MCU: variants seen among roughly 807,000 people sequenced by gnomAD.
The protein encoded by MCU is mitochondrial calcium uniporter, also known as calcium uniporter protein, mitochondrial.
Under a neutral mutation model 45.2 loss-of-function variants are expected in MCU, and 12 were observed. The observed-to-expected ratio is 0.27, with a 90% confidence interval of 0.17 to 0.43. The LOEUF (loss-of-function observed/expected upper bound fraction) is 0.43, where lower values mean the gene tolerates loss of function less well. MCU is among the 20% of genes least tolerant of loss of function. MCU has a pLI of 1.00. For synonymous variants in MCU, 160 were observed against 165.1 expected, an observed-to-expected ratio of 0.97 and a Z score of 0.24; for missense variants, 324 against 436.7, an observed-to-expected ratio of 0.74 and a Z score of 2.30.
At chr10:72,790,317 A>C (rs1295473730) in intron 1 of MCU, among the ~76,000 whole-genome samples, 1 of 152,214 alleles carries the variant, frequency 6.6e-6, no homozygotes, top group Non-Finnish European at 1.5e-5. Context: ...GAAAGAGAAG[A>C]GAAATAATTC....
chr10:72,788,712 A>G (rs1844114284), intron 1 of MCU, among the ~76,000 whole-genome samples: 1 of 152,220 alleles, frequency 6.6e-6, no homozygotes, highest in Non-Finnish European at 1.5e-5. Context: ...ATTTTACACC[A>G]CATCCATATT....
intron 1 of MCU, among the ~76,000 whole-genome samples, chr10:72,790,135 A>G (rs1844136559): frequency 6.6e-6 from 1 of 152,204 alleles, no homozygotes; most frequent in Non-Finnish European, 1.5e-5. Flanking sequence ...AGATGTACAC[A>G]TCAGAATTCT....
intron 2 of MCU, among the ~76,000 whole-genome samples, chr10:72,855,393 C>A (rs1845272267): frequency 6.6e-6 from 1 of 151,792 alleles, no homozygotes; most frequent in African/African-American, 2.4e-5. Flanking sequence ...GCCTGGGCAA[C>A]ATAGTGAGAC....
At chr10:72,799,488 A>G (rs752238800) in intron 1 of MCU, among the ~76,000 whole-genome samples, 1 of 145,346 alleles carries the variant, frequency 6.9e-6, no homozygotes, top group Non-Finnish European at 1.5e-5. Context: ...AATATATAAC[A>G]TTTTTTTTTT....
chr10:72,748,858 C>T (rs535317294), intron 1 of MCU, among the ~76,000 whole-genome samples: 2 of 152,308 alleles, frequency 1.3e-5, no homozygotes, highest in Admixed American at 1.3e-4. Context: ...GGTAAACTTT[C>T]CATCTGAGGA....
intron 2 of MCU, among the ~76,000 whole-genome samples, chr10:72,849,060 C>A (rs1443013031): frequency 6.6e-6 from 1 of 151,974 alleles, no homozygotes; most frequent in Non-Finnish European, 1.5e-5. Flanking sequence ...ACGGGTGGAT[C>A]ACGAGGTCAG....
At chr10:72,699,063 C>T (rs1223771953) in intron 1 of MCU, among the ~76,000 whole-genome samples, 1 of 152,156 alleles carries the variant, frequency 6.6e-6, no homozygotes, top group Non-Finnish European at 1.5e-5. Context: ...CTTGGCCTCC[C>T]AAAGTACTGG....
At chr10:72,750,393 T>C (rs1158379672) in intron 1 of MCU, among the ~76,000 whole-genome samples, 2 of 152,224 alleles carry the variant, frequency 1.3e-5, no homozygotes, top group African/African-American at 4.8e-5. Context: ...GATAATAAAA[T>C]AGGTACAAAA....
At chr10:72,813,140 A>G (rs1427606290) in intron 1 of MCU, among the ~76,000 whole-genome samples, 2 of 152,168 alleles carry the variant, frequency 1.3e-5, no homozygotes, top group Non-Finnish European at 2.9e-5. Context: ...CAGATTCCCC[A>G]TAGGAAGCTG....
At chr10:72,769,426 G>C (rs1407081412) in intron 1 of MCU, among the ~76,000 whole-genome samples, 1 of 152,062 alleles carries the variant, frequency 6.6e-6, no homozygotes, top group East Asian at 1.9e-4. Context: ...TAATATTGAT[G>C]AAACATACTA....
At chr10:72,885,582 C>T (rs970239554) in intron 7 of MCU, among the ~76,000 whole-genome samples, 163 bp from the exon 8 acceptor site, 1 of 152,140 alleles carries the variant, frequency 6.6e-6, no homozygotes, top group Non-Finnish European at 1.5e-5. Flanking sequence ...TGTCCTATGC[C>T]GTGAGTTAAA....
intron 1 of MCU, among the ~76,000 whole-genome samples, chr10:72,813,181 C>T (rs778764409): frequency 2.6e-4 from 39 of 152,076 alleles, no homozygotes; most frequent in Non-Finnish European, 4.7e-4. Context: ...GCAGGTAGAA[C>T]CCATTGGAAC....
At chr10:72,748,189 A>C (rs1843441947) in intron 1 of MCU, among the ~76,000 whole-genome samples, 1 of 152,034 alleles carries the variant, frequency 6.6e-6, no homozygotes, top group African/African-American at 2.4e-5. Context: ...CTGGGACTAC[A>C]GGTGCCCGCC....
chr10:72,874,385 A>G (rs977246616), intron 6 of MCU, among the ~76,000 whole-genome samples: 1 of 152,148 alleles, frequency 6.6e-6, no homozygotes, highest in Non-Finnish European at 1.5e-5. Flanking sequence ...TTTAATATCA[A>G]ATATTTGAAA....
intron 2 of MCU, among the ~76,000 whole-genome samples, chr10:72,838,150 C>T (rs543766888): frequency 1.3e-4 from 20 of 152,164 alleles, no homozygotes; most frequent in Admixed American, 5.9e-4. Context: ...TGTGAGCCAC[C>T]GCGCCCGGCT....
intron 2 of MCU, among the ~76,000 whole-genome samples, chr10:72,836,029 A>G (rs1844950958): frequency 6.6e-6 from 1 of 152,080 alleles, no homozygotes; most frequent in Non-Finnish European, 1.5e-5. Context: ...TAAATAGCCA[A>G]ATGGTGACTG....
intron 1 of MCU, among the ~76,000 whole-genome samples, chr10:72,787,153 T>G (rs928763217): frequency 6.6e-6 from 1 of 152,240 alleles, no homozygotes; most frequent in African/African-American, 2.4e-5. Flanking sequence ...AACATGTCCT[T>G]CTAAACCCAG....
chr10:72,884,131 G>A lies in MCU; in HGVS notation c.862-135G>A, dbSNP rs1845744943. ...TATGTTTCACAGTAGAAATGTTCAG[G>A]TGGTGATTAAATACTTAACACAGCA... On this transcript the variant is annotated intron_variant, in intron 6 of 7. Coordinates refer to ENST00000373053, the MANE Select transcript of MCU (RefSeq NM_138357.3). The A allele has an allele frequency of 4.9e-6, 3 of 617,580 alleles. No individual in the cohort carries two copies. In the South Asian group the frequency reaches 6.0e-5, roughly 12 times the overall value. 38.3% of individuals were successfully genotyped at this position (617,580 alleles called of 1,614,324 possible). A position where few individuals can be genotyped will look rare whatever the true frequency, so the allele number is the denominator to read the frequency against.
chr10:72,762,095 A>T (rs1229791517), intron 1 of MCU, among the ~76,000 whole-genome samples: 1 of 152,198 alleles, frequency 6.6e-6, no homozygotes, highest in African/African-American at 2.4e-5. Flanking sequence ...ATCTTCAGAA[A>T]GTATGAAAAT....
Sources: gnomAD v4.1 joint callset for allele counts (sites outside exome capture counted in the v4.1 genomes callset) on GRCh38, gnomAD v4.1.1 for gene constraint, MANE v1.5 for transcripts, NCBI Gene and HGNC (gene_info 2026-07-23, HGNC 2026-07-21) for gene names.